Variants in MAN2A1 observed in about 807,000 individuals in gnomAD.
MAN2A1 encodes the protein mannosidase alpha class 2A member 1.
MAN2A1 carries 76 observed loss-of-function variants against 142.6 expected under a neutral mutation model. The observed-to-expected ratio is 0.53, with a 90% CI of 0.44 to 0.65. MAN2A1 has a LOEUF of 0.65. Ranked by LOEUF, MAN2A1 falls within the 30% of genes least tolerant of loss-of-function variation. MAN2A1 has a pLI of 0.00. For missense variants in MAN2A1, 1,311 were observed against 1,365.1 expected (o/e 0.96, Z 0.62); for synonymous variants, 559 against 473.2 (o/e 1.18, Z -2.35).
intron 4 of MAN2A1, among the ~76,000 whole-genome samples, chr5:109,740,249 A>G (rs1249264595): frequency 6.6e-6 from 1 of 152,236 alleles, no homozygotes; most frequent in Non-Finnish European, 1.5e-5. Flanking sequence ...CAGTTGGGGA[A>G]GGTGTCCTGG....
chr5:109,786,214 A>C (rs943260807), intron 10 of MAN2A1, among the ~76,000 whole-genome samples: 3 of 152,088 alleles, frequency 2.0e-5, no homozygotes, highest in Non-Finnish European at 2.9e-5. Flanking sequence ...TTTCTCCCAC[A>C]GAAACCATTT....
At chr5:109,774,292 T>A (rs1488861265) in intron 7 of MAN2A1, among the ~76,000 whole-genome samples, 1 of 152,164 alleles carries the variant, frequency 6.6e-6, no homozygotes, top group Non-Finnish European at 1.5e-5. Flanking sequence ...CCTTTTGGTT[T>A]TGTTCAAAGT....
intron 20 of MAN2A1, among the ~76,000 whole-genome samples, chr5:109,861,843 C>T (rs1755767698): frequency 6.6e-6 from 1 of 152,158 alleles, no homozygotes; most frequent in Non-Finnish European, 1.5e-5. Context: ...TAATAGGACA[C>T]CTACAGAGGA....
chr5:109,775,684 T>A (rs1382660755), intron 8 of MAN2A1, among the ~76,000 whole-genome samples: 2 of 152,114 alleles, frequency 1.3e-5, no homozygotes, highest in Non-Finnish European at 2.9e-5. Context: ...TAGTTTCACC[T>A]GTAAATATTT....
chr5:109,755,048 G>A (rs1445437494), intron 4 of MAN2A1, among the ~76,000 whole-genome samples: 1 of 152,106 alleles, frequency 6.6e-6, no homozygotes, highest in Non-Finnish European at 1.5e-5. Context: ...TTGACATTAA[G>A]AATCTTTGAG....
At chr5:109,814,354 C>G (rs1754397397) in intron 12 of MAN2A1, among the ~76,000 whole-genome samples, 1 of 152,056 alleles carries the variant, frequency 6.6e-6, no homozygotes, top group Non-Finnish European at 1.5e-5. Context: ...GTTTGACTAC[C>G]AAATGTGATG....
At chr5:109,806,472 G>A (rs1754169815) in intron 12 of MAN2A1, among the ~76,000 whole-genome samples, 1 of 152,100 alleles carries the variant, frequency 6.6e-6, no homozygotes, top group South Asian at 2.1e-4. Context: ...TACGAGCTAA[G>A]TCATTTACTT....
At chr5:109,758,540 C>T (rs1014447113) in intron 5 of MAN2A1, among the ~76,000 whole-genome samples, 2 of 151,364 alleles carry the variant, frequency 1.3e-5, no homozygotes, top group South Asian at 2.1e-4. Context: ...TCTTCTGTTG[C>T]TTGTGCTTTT....
intron 12 of MAN2A1, among the ~76,000 whole-genome samples, chr5:109,799,065 A>C (rs1582908591): frequency 6.6e-6 from 1 of 152,062 alleles, no homozygotes; most frequent in East Asian, 1.9e-4. Flanking sequence ...TCAGACTGCT[A>C]CTGTCCCTCC....
At chr5:109,786,389 T>C (rs1753596408) in intron 10 of MAN2A1, among the ~76,000 whole-genome samples, 1 of 152,046 alleles carries the variant, frequency 6.6e-6, no homozygotes, top group Admixed American at 6.6e-5. Flanking sequence ...TATCTCTGGC[T>C]GTCATATCGA....
Position 109,845,907 on chromosome 5 carries a change from A to C in MAN2A1, c.2743A>C (p.Asn915His), listed in dbSNP as rs770607544. Residue 915 changes from asparagine to histidine, a missense_variant, in exon 18 of 22, where the codon AAT becomes CAT. By Grantham distance (68) the Asn-to-His change is moderately conservative (BLOSUM62 1). Around this residue, in one of 3 missense-constraint regions of MAN2A1, gnomAD observed 890 missense variants for 920.5 expected, o/e 0.97. Transcript: ENST00000261483. ...ACTGAGCAAATTGCCTCTTCAAGCA[A>C]ATGTCTATCCCATGACCACAATGGC... ...MTLSKLPLQA[N>H]VYPMTTMAYI... 6.2e-7 allele frequency: 1 copy of C among 1,613,626 alleles called. No homozygotes were observed. Among genetic ancestry groups the C allele is most frequent in the South Asian group, 1.1e-5 (1 of 91,030 alleles).
At chr5:109,712,242 C>T (rs528412936) in intron 1 of MAN2A1, among the ~76,000 whole-genome samples, 1 of 152,144 alleles carries the variant, frequency 6.6e-6, no homozygotes, top group East Asian at 1.9e-4. Context: ...TGACCAATAA[C>T]CTGTGAGTAT....
At chr5:109,750,554 A>T (rs568248877) in intron 4 of MAN2A1, among the ~76,000 whole-genome samples, 1 of 152,208 alleles carries the variant, frequency 6.6e-6, no homozygotes, top group African/African-American at 2.4e-5. Context: ...TCTATCTTAT[A>T]AAAGAAACTA....
At chr5:109,824,208 C>T (rs960596826) in intron 16 of MAN2A1, among the ~76,000 whole-genome samples, 9 of 152,130 alleles carry the variant, frequency 5.9e-5, no homozygotes, top group Non-Finnish European at 1.0e-4. Context: ...GGGCCTGCTT[C>T]CTTAAATATA....
chr5:109,725,242 G>A (rs1474980861), intron 3 of MAN2A1, among the ~76,000 whole-genome samples: 1 of 152,224 alleles, frequency 6.6e-6, no homozygotes, highest in Non-Finnish European at 1.5e-5. Flanking sequence ...AAGACCAAAT[G>A]TAGGTTTAGA....
chr5:109,777,448 G>A (rs1427012863), intron 8 of MAN2A1, among the ~76,000 whole-genome samples: 1 of 151,570 alleles, frequency 6.6e-6, no homozygotes, highest in Non-Finnish European at 1.5e-5. Flanking sequence ...ATAGCTCTTT[G>A]GTACATTTTG....
At chr5:109,767,026 C>G (rs999736225) in intron 5 of MAN2A1, among the ~76,000 whole-genome samples, 1 of 152,098 alleles carries the variant, frequency 6.6e-6, no homozygotes, top group East Asian at 1.9e-4. Context: ...GCCTGTTCTG[C>G]CACTGTATCA....
chr5:109,799,600 C>T (rs2112694145), intron 12 of MAN2A1, among the ~76,000 whole-genome samples: 3 of 151,650 alleles, frequency 2.0e-5, no homozygotes, highest in African/African-American at 7.3e-5. Context: ...ACTAAAAATA[C>T]AAAATTAGCT....
At chr5:109,754,104 A>G (rs575032973) in intron 4 of MAN2A1, among the ~76,000 whole-genome samples, 1 of 151,518 alleles carries the variant, frequency 6.6e-6, no homozygotes, top group South Asian at 2.1e-4. Flanking sequence ...TAAATATGGG[A>G]TCTCCTTATG....
Sources: allele counts gnomAD v4.1 joint callset (sites outside exome capture counted in the v4.1 genomes callset), GRCh38; gene constraint gnomAD v4.1.1; regional missense constraint gnomAD v4.1.1; transcripts MANE v1.5; gene names NCBI Gene and HGNC (gene_info 2026-07-23, HGNC 2026-07-21).